Variants in HIVEP1 observed in about 807,000 individuals in gnomAD.
HIVEP1 encodes the protein zinc finger protein 40.
A neutral mutation model predicts 180.0 loss-of-function variants in HIVEP1; 36 were observed. That is an observed-to-expected ratio of 0.20 (90% CI 0.15 to 0.26). HIVEP1 has a LOEUF of 0.26. HIVEP1 is among the 10% of genes least tolerant of loss of function. The probability of loss-of-function intolerance (pLI) is 1.00; values close to 1 mark genes in which losing one functional copy is unlikely to be tolerated. For missense variants in HIVEP1, 3,143 were observed against 3,268.7 expected (o/e 0.96, Z 0.94); for synonymous variants, 1,239 against 1,239.0 (o/e 1.00, Z 0.00).
rs761314253 is a variant in HIVEP1 at position 12,164,165 on chromosome 6, G to C, written c.7861G>C (p.Ala2621Pro). The change falls in exon 9 of 9, where the codon GCA becomes CCA. Residue 2621 changes from alanine (A) to proline (P), a missense_variant. By Grantham distance (27) the Ala-to-Pro change is conservative. This residue lies in a region of HIVEP1 where 595 missense variants were observed against 602.2 expected (regional missense o/e 0.99). Coordinates refer to ENST00000379388, the MANE Select transcript of HIVEP1 (RefSeq NM_002114.4). The stretch of plus-strand genomic sequence containing the variant: ...AAAAGTTCTGAATCCACCTGCCCCT[G>C]CAGGTGACCATGCAAGGCTTGATGG... ...AKKVLNPPAP[A>P]GDHARLDGLS... The C allele has an allele frequency of 1.2e-6, 2 of 1,614,228 alleles. No individual in the cohort carries two copies. The highest frequency in any genetic ancestry group is 2.2e-5 in the South Asian group (2 of 91,086).
intron 2 of HIVEP1, among the ~76,000 whole-genome samples, chr6:12,068,322 T>C (rs1013427773): frequency 6.6e-6 from 1 of 152,086 alleles, no homozygotes; most frequent in African/African-American, 2.4e-5. Flanking sequence ...ACTCCTGACC[T>C]CAGGTGATCC....
chr6:12,165,286 C>T (rs17650437), downstream of HIVEP1, among the ~76,000 whole-genome samples: 5,850 of 152,196 alleles, frequency 0.038, 123 homozygotes, highest in Non-Finnish European at 0.046. Flanking sequence ...AAATGGGCAA[C>T]GTTCCTAAAT....
the HIVEP1 span, among the ~76,000 whole-genome samples, chr6:12,170,709 C>T: frequency 2.0e-5 from 3 of 152,158 alleles, no homozygotes; most frequent in Admixed American, 6.5e-5. Flanking sequence ...ATGATTAGTA[C>T]GGTGGGCTCG....
intron 2 of HIVEP1, among the ~76,000 whole-genome samples, chr6:12,083,901 T>C (rs2113298257): frequency 6.6e-6 from 1 of 152,260 alleles, no homozygotes; most frequent in South Asian, 2.1e-4. Flanking sequence ...TGATATAGAT[T>C]GTTAAAGCTG....
In HIVEP1 at chr6:12,054,306, T is replaced by C. The variant is rs530668508; in HGVS notation, c.41-34878T>C. ...TTTACAAGAAAACATACACTATATGTTTGTTTCAGAAAATTTGGAAGATCC... is the reference window on the plus strand; with the variant it reads ...TTTACAAGAAAACATACACTATATGCTTGTTTCAGAAAATTTGGAAGATCC... On this transcript the variant is annotated intron_variant, in intron 2 of 8. Coordinates refer to ENST00000379388, the MANE Select transcript of HIVEP1 (RefSeq NM_002114.4). Among the ~76,000 whole-genome samples the C allele has an allele frequency of 6.6e-5, 10 of 152,336 alleles. No individual in the cohort carries two copies. The South Asian group carries it at 2.1e-3, about 32-fold the overall frequency.
chr6:12,126,620 G>A (rs932562903), intron 4 of HIVEP1, among the ~76,000 whole-genome samples: 2 of 152,118 alleles, frequency 1.3e-5, no homozygotes, highest in African/African-American at 4.8e-5. Context: ...GAAGTATTTG[G>A]CCTCTGCAGA....
At chr6:12,184,855 C>A in the HIVEP1 span, among the ~76,000 whole-genome samples, 1 of 152,106 alleles carries the variant, frequency 6.6e-6, no homozygotes, top group Admixed American at 6.5e-5. Context: ...TAAAACTTTC[C>A]TAGGAGAAGT....
chr6:12,124,257 G>T lies in HIVEP1; in HGVS notation c.4462G>T (p.Val1488Phe). 2 of 1,614,062 alleles carry T rather than the reference G, an allele frequency of 1.2e-6. No individual in the cohort carries two copies. Among genetic ancestry groups the T allele is most frequent in the Non-Finnish European group, 1.7e-6 (2 of 1,180,038 alleles). Reference sequence around the variant, plus strand: ...AAATACTTTGCACTCTCAGACTCAGGTTAAGGATCTGCAGGCAGAAACATC... The same window carrying T: ...AAATACTTTGCACTCTCAGACTCAGTTTAAGGATCTGCAGGCAGAAACATC... Reference protein sequence around the residue: ...SANTLHSQTQVKDLQAETSNS... With the variant: ...SANTLHSQTQFKDLQAETSNS... Residue 1488 changes from valine (V) to phenylalanine (F), a missense_variant, in exon 4 of 9, where the codon GTT (valine) becomes TTT (phenylalanine). Around this residue, in one of 12 missense-constraint regions of HIVEP1, gnomAD observed 1,357 missense variants for 1,260.5 expected, o/e 1.08. Transcript: ENST00000379388.
intron 3 of HIVEP1, among the ~76,000 whole-genome samples, chr6:12,098,585 A>T (rs1010278236): frequency 6.6e-6 from 1 of 152,222 alleles, no homozygotes; most frequent in African/African-American, 2.4e-5. Context: ...AAAGAAAGAG[A>T]TAAGCTTGTA....
the HIVEP1 span, among the ~76,000 whole-genome samples, chr6:12,182,105 G>C: frequency 1.3e-5 from 2 of 152,226 alleles, no homozygotes; most frequent in South Asian, 2.1e-4. Flanking sequence ...GGGGCCCAGA[G>C]TTTCAAGCAC....
intron 2 of HIVEP1, among the ~76,000 whole-genome samples, chr6:12,023,917 C>A (rs1768415004): frequency 6.6e-6 from 1 of 152,128 alleles, no homozygotes; most frequent in African/African-American, 2.4e-5. Context: ...TTTTAAGCTT[C>A]ACATTTAAAA....
At chr6:12,139,421 C>T (rs570752954) in intron 7 of HIVEP1, among the ~76,000 whole-genome samples, 64 of 152,282 alleles carry the variant, frequency 4.2e-4, no homozygotes, top group African/African-American at 1.3e-3. Context: ...GCGTGATTGA[C>T]GCAGAAGACG....
chr6:12,046,394 C>T (rs1326035763), intron 2 of HIVEP1, among the ~76,000 whole-genome samples: 1 of 152,118 alleles, frequency 6.6e-6, no homozygotes, highest in Admixed American at 6.5e-5. Context: ...GTTCATTGTC[C>T]CCAGTTCAGA....
At chr6:12,135,741 A>G (rs1244596473) in intron 6 of HIVEP1, 50 bp from the exon 7 acceptor site, 3 of 1,201,622 alleles carry the variant, frequency 2.5e-6, no homozygotes, top group Admixed American at 1.8e-5. Context: ...TTACAAATGC[A>G]ATAGCAAAAT....
intron 3 of HIVEP1, among the ~76,000 whole-genome samples, chr6:12,092,527 A>G (rs568093484): frequency 1.3e-5 from 2 of 152,256 alleles, no homozygotes; most frequent in East Asian, 1.9e-4. Context: ...CCTAGTGCCT[A>G]TGTGTGAGTT....
rs188145576 is a variant in HIVEP1, at chr6:12,164,042, G to A, written c.7738G>A (p.Glu2580Lys). 15 of 1,614,114 alleles carry A rather than the reference G, an allele frequency of 9.3e-6. No homozygotes were observed. Among genetic ancestry groups the A allele is most frequent in the East Asian group, 4.5e-5 (2 of 44,850 alleles). Reference protein sequence around the residue: ...EMPASQSKACETQPKQTSVAS... With the variant: ...EMPASQSKACKTQPKQTSVAS... ...GCCAGCTTCCCAAAGCAAAGCATGCGAGACACAACCCAAGCAGACTTCTGT... is the reference window on the plus strand; with the variant it reads ...GCCAGCTTCCCAAAGCAAAGCATGCAAGACACAACCCAAGCAGACTTCTGT... The change falls in exon 9 of 9, where the codon GAG becomes AAG. Residue 2580 changes from glutamate to lysine, a missense_variant. Around this residue, in one of 12 missense-constraint regions of HIVEP1, gnomAD observed 595 missense variants for 602.2 expected, o/e 0.99. Coordinates refer to ENST00000379388, the MANE Select transcript of HIVEP1 (RefSeq NM_002114.4).
chr6:12,195,653 G>T, the HIVEP1 span, among the ~76,000 whole-genome samples: 1 of 20,616 alleles, frequency 4.9e-5, no homozygotes, highest in African/African-American at 8.1e-5. Flanking sequence ...AGAAAAGCTG[G>T]CATACAGAAT....
At chr6:12,035,637 A>G (rs1178864707) in intron 2 of HIVEP1, among the ~76,000 whole-genome samples, 1 of 152,238 alleles carries the variant, frequency 6.6e-6, no homozygotes, top group Admixed American at 6.5e-5. Flanking sequence ...GTATACCCAC[A>G]TAAGCAGATA....
chr6:12,105,753 G>C (rs1774385154), intron 3 of HIVEP1, among the ~76,000 whole-genome samples: 1 of 151,980 alleles, frequency 6.6e-6, no homozygotes. Flanking sequence ...TATTCAAATT[G>C]CTTTGCTTGC....
Sources: allele counts gnomAD v4.1 joint callset (sites outside exome capture counted in the v4.1 genomes callset), GRCh38; gene constraint gnomAD v4.1.1; regional missense constraint gnomAD v4.1.1; transcripts MANE v1.5; gene names NCBI Gene and HGNC (gene_info 2026-07-23, HGNC 2026-07-21).